The following TLE3 variants were observed in gnomAD, a reference collection of about 807,000 sequenced individuals.
The protein encoded by TLE3 is transducin-like enhancer protein 3.
A neutral mutation model predicts 93.0 loss-of-function variants in TLE3; 14 were observed. That is an observed-to-expected ratio of 0.15 (90% CI 0.10 to 0.24). TLE3 has a LOEUF of 0.24. Ranked by LOEUF, TLE3 falls within the 10% of genes least tolerant of loss-of-function variation. The pLI is 1.00. For missense variants in TLE3, 693 were observed against 1,046.6 expected, an observed-to-expected ratio of 0.66 and a Z score of 4.66; for synonymous variants, 451 against 425.0, an observed-to-expected ratio of 1.06 and a Z score of -0.75.
chr15:70,094,669 A>G, intron 3 of TLE3, 93 bp from the exon 4 acceptor site: 1 of 939,838 alleles, frequency 1.1e-6, no homozygotes, highest in East Asian at 2.7e-5. Flanking sequence ...TGGCCAAATC[A>G]TACTTTTACG....
At chr15:70,080,796 C>T (rs12912377) in intron 4 of TLE3, among the ~76,000 whole-genome samples, 2,447 of 152,282 alleles carry the variant, frequency 0.016, 34 homozygotes, top group Middle Eastern at 0.051. Flanking sequence ...TGGCCCTTGA[C>T]CCAAGACACT....
Position 70,076,108 on chromosome 15 carries a change from G to A in TLE3, c.285C>T (p.Phe95=). 1.2e-6 allele frequency: 2 copies of A among 1,613,942 alleles called. No individual in the cohort carries two copies. Among genetic ancestry groups the A allele is most frequent in the Non-Finnish European group, 1.7e-6 (2 of 1,179,830 alleles). Residue 95 remains phenylalanine (F), a synonymous_variant, in exon 5 of 20, where the codon TTC becomes TTT. Transcript: ENST00000451782. ...LNTILAQIMP[F]LSQEHQQQVA... ...AAGAAGGTCTTACCTCTTGTGACAG[G>A]AAAGGCATGATCTGTGCTAAAATTG...
intron 7 of TLE3, 41 bp downstream of exon 7, chr15:70,065,973 A>ACCCCAGCCCCCCCCCCCCCACAGCCCCAC: frequency 1.2e-6 from 1 of 806,252 alleles, no homozygotes; most frequent in Non-Finnish European, 2.1e-6. Flanking sequence ...GCCCATGCCC[A>ACCCCAGCCCCCCCCCCCCCACAGCCCCAC]CCCCTGCCCC....
At chr15:70,082,521 A>C (rs1011577653) in intron 4 of TLE3, among the ~76,000 whole-genome samples, 1 of 152,224 alleles carries the variant, frequency 6.6e-6, no homozygotes, top group Non-Finnish European at 1.5e-5. Flanking sequence ...CACATCACAG[A>C]TCACTCAATG....
intron 4 of TLE3, among the ~76,000 whole-genome samples, chr15:70,080,059 A>G (rs1189675302): frequency 2.3e-5 from 1 of 42,724 alleles, no homozygotes; most frequent in Non-Finnish European, 6.0e-5. Context: ...CAGTTCCAAA[A>G]AAGGAAAAAA....
At chr15:70,074,401 T>TG in intron 6 of TLE3, 132 bp downstream of exon 6, 1 of 1,156,046 alleles carries the variant, frequency 8.7e-7, no homozygotes, top group Non-Finnish European at 1.2e-6. Flanking sequence ...TTGGGGTGCT[T>TG]GTAGAAGCCG....
chr15:70,058,449 G>A lies in TLE3; in HGVS notation c.919-158C>T. On this transcript the variant is annotated intron_variant, in intron 11 of 19. Transcript: ENST00000451782. The surrounding 1 kb of genome is among the most constrained non-coding windows in gnomAD (Gnocchi z 4.1). ...AATCCTTGCCCAACCTTGTTTGGCA[G>A]GGACTGGGGTGATCACTCCCATTTT... The A allele has an allele frequency of 7.5e-7, 1 of 1,341,944 alleles. No individual in the cohort carries two copies. The highest frequency in any genetic ancestry group is 1.0e-6 in the Non-Finnish European group (1 of 984,516). 83.1% of individuals were successfully genotyped at this position (1,341,944 alleles called of 1,614,324 possible). A position where few individuals can be genotyped will look rare whatever the true frequency, so the allele number is the denominator to read the frequency against.
chr15:70,059,389 T>C (rs997866140), intron 10 of TLE3, 21 bp downstream of exon 10: 2 of 1,604,736 alleles, frequency 1.2e-6, no homozygotes, highest in African/African-American at 2.7e-5. Flanking sequence ...AGAGCCCCCT[T>C]GCGACCGGGC....
At chr15:70,095,540 C>T (rs2058513313) in intron 3 of TLE3, 38 bp downstream of exon 3, 17 of 1,547,438 alleles carry the variant, frequency 1.1e-5, no homozygotes, top group Non-Finnish European at 1.4e-5. Context: ...CCGGGGTCGG[C>T]GCCCCAACCG....
rs1332881252 is a variant in TLE3 at position 70,096,814 on chromosome 15, T to A, written c.-16A>T. ...GCGGATACATGGCAGGGAGGGGTCG[T>A]GATTCCGAGAGCGTGGAAGCGCCGA... On this transcript the variant is annotated 5_prime_UTR_variant, in exon 1 of 20. Transcript: ENST00000451782. 1.2e-6 allele frequency: 2 copies of A among 1,608,062 alleles called. No individual in the cohort carries two copies. Among genetic ancestry groups the A allele is most frequent in the Middle Eastern group, 1.7e-4 (1 of 5,808 alleles).
intron 6 of TLE3, among the ~76,000 whole-genome samples, chr15:70,067,605 G>T (rs563507053): frequency 6.6e-6 from 1 of 152,174 alleles, no homozygotes; most frequent in East Asian, 1.9e-4. Context: ...AAGGGAGCTC[G>T]CCTGTCAATA....
At position 70,048,805 on chromosome 15, in the gene TLE3, T is replaced by C. The variant is rs918490229; in HGVS notation, c.*1292A>G. On this transcript the variant is annotated 3_prime_UTR_variant, in exon 20 of 20. Coordinates refer to ENST00000451782, the MANE Select transcript of TLE3 (RefSeq NM_001105192.3). ...AAGAAATATCCACAGTGTGCCAGGA[T>C]CTGTGTCCCCCTCTCCCACCCCCCA... The C allele has an allele frequency of 2.4e-4, 37 of 152,062 alleles. No homozygotes were observed. The highest frequency in any genetic ancestry group is 8.2e-4 in the African/African-American group (34 of 41,378). The allele number at this position is 152,062 out of a possible 1,614,324, so 9.4% of individuals were successfully genotyped here.
At chr15:70,096,359 G>A in intron 1 of TLE3, 98 bp from the exon 2 acceptor site, 1 of 1,509,508 alleles carries the variant, frequency 6.6e-7, no homozygotes. Flanking sequence ...ACCAAAAGAG[G>A]CCACCCTCAG....
At chr15:70,066,976 T>C (rs990745598) in intron 6 of TLE3, 42 of 304,150 alleles carry the variant, frequency 1.4e-4, no homozygotes, top group Admixed American at 5.1e-4. Flanking sequence ...CAGAGGATTA[T>C]TGTAAGATAA....
chr15:70,074,716 G>T (rs1229634907), intron 5 of TLE3, 109 bp from the exon 6 acceptor site: 3 of 822,182 alleles, frequency 3.6e-6, no homozygotes, highest in Non-Finnish European at 5.6e-6. Flanking sequence ...GCAGACAGAG[G>T]AGTCCCACTG....
chr15:70,091,505 C>CT (rs1275846145), intron 4 of TLE3, among the ~76,000 whole-genome samples: 1 of 152,234 alleles, frequency 6.6e-6, no homozygotes, highest in African/African-American at 2.4e-5. Context: ...GACATTCTGC[C>CT]TGGAAGCAGG....
intron 4 of TLE3, among the ~76,000 whole-genome samples, chr15:70,084,775 A>G (rs986178032): frequency 6.6e-6 from 1 of 152,230 alleles, no homozygotes; most frequent in Non-Finnish European, 1.5e-5. Flanking sequence ...CATATGGGAA[A>G]GGGCTCTGAG....
chr15:70,083,039 C>CTA (rs1346850719), intron 4 of TLE3, among the ~76,000 whole-genome samples: 2 of 152,206 alleles, frequency 1.3e-5, no homozygotes, highest in Admixed American at 6.5e-5. Context: ...AACATACAGT[C>CTA]TAGAGTCCTG....
At position 70,096,857 on chromosome 15, in the gene TLE3, G is replaced by C; in HGVS notation, c.-59C>G. 1 of 1,593,496 alleles carries C rather than the reference G, an allele frequency of 6.3e-7. No homozygotes were observed. The highest frequency in any genetic ancestry group is 8.5e-7 in the Non-Finnish European group (1 of 1,171,018). On this transcript the variant is annotated 5_prime_UTR_variant, in exon 1 of 20. Coordinates refer to ENST00000451782, the MANE Select transcript of TLE3 (RefSeq NM_001105192.3). ...AGCGCCGAGAGCCCGGGCCGGGGAGGTGCGGGGGAGGGGGGAGCCGAGCCC... is the reference window on the plus strand; with the variant it reads ...AGCGCCGAGAGCCCGGGCCGGGGAGCTGCGGGGGAGGGGGGAGCCGAGCCC...
Sources: gnomAD v4.1 joint callset for allele counts (sites outside exome capture counted in the v4.1 genomes callset) on GRCh38, gnomAD v4.1.1 for gene constraint, Gnocchi (gnomAD v3.1) non-coding constraint, MANE v1.5 for transcripts, NCBI Gene and HGNC (gene_info 2026-07-23, HGNC 2026-07-21) for gene names.